Variants in RIPOR3 observed in about 807,000 individuals in gnomAD.
The protein encoded by RIPOR3 is RIPOR family member 3, also known as family with sequence similarity 65 member C.
In RIPOR3, 95 loss-of-function variants were observed where a neutral mutation model predicts 114.3. That is an observed-to-expected ratio of 0.83 (90% CI 0.70 to 0.99). The LOEUF (loss-of-function observed/expected upper bound fraction) is 0.99, where lower values mean the gene tolerates loss of function less well. RIPOR3 is among the 50% of genes least tolerant of loss of function. The pLI, the probability that RIPOR3 is intolerant of heterozygous loss-of-function variation, is 0.00. For synonymous variants in RIPOR3, 575 were observed against 543.8 expected, an observed-to-expected ratio of 1.06 and a Z score of -0.80; for missense variants, 1,252 against 1,266.9, an observed-to-expected ratio of 0.99 and a Z score of 0.18.
At chr20:50,629,516 C>T (rs2084743563) in intron 2 of RIPOR3, among the ~76,000 whole-genome samples, 1 of 152,176 alleles carries the variant, frequency 6.6e-6, no homozygotes, top group Admixed American at 6.5e-5. Context: ...CTCCCAGGGA[C>T]TTAGTACCTA....
Position 50,587,109 on chromosome 20 carries a change from A to C in RIPOR3, c.*123T>G, listed in dbSNP as rs1323520065. 2 of 722,956 alleles carry C rather than the reference A, an allele frequency of 2.8e-6. No individual in the cohort carries two copies. The highest frequency in any genetic ancestry group is 1.8e-5 in the African/African-American group (1 of 56,398). 44.8% of individuals were successfully genotyped at this position (722,956 alleles called of 1,614,324 possible). A position where few individuals can be genotyped will look rare whatever the true frequency, so the allele number is the denominator to read the frequency against. On this transcript the variant is annotated 3_prime_UTR_variant, in exon 22 of 22. Coordinates refer to ENST00000327979, the MANE Select transcript of RIPOR3 (RefSeq NM_001290268.2). ...GGTCAATGGCCGGAGTCTCAGGTAGAGCTCTGGGCAGCTCACACTCCTGGA... is the reference window on the plus strand; with the variant it reads ...GGTCAATGGCCGGAGTCTCAGGTAGCGCTCTGGGCAGCTCACACTCCTGGA...
Position 50,643,275 on chromosome 20 carries a change from C to G in RIPOR3, c.4-12419G>C, listed in dbSNP as rs552149876. 2.3e-3 allele frequency among the ~76,000 whole-genome samples: 339 copies of G among 150,384 alleles called. 3 individuals are homozygous for G. Among genetic ancestry groups the G allele is most frequent in the African/African-American group, 8.1e-3 (328 of 40,698 alleles). ...TAGCTAGGACTACAAGTGTGCACCACTAGGCCAGGCTAATTTTTGTGTGTG... is the reference window on the plus strand; with the variant it reads ...TAGCTAGGACTACAAGTGTGCACCAGTAGGCCAGGCTAATTTTTGTGTGTG... On this transcript the variant is annotated intron_variant, in intron 1 of 21. Coordinates refer to ENST00000327979, the MANE Select transcript of RIPOR3 (RefSeq NM_001290268.2).
At chr20:50,679,875 C>T (rs1196934757) in intron 1 of RIPOR3, among the ~76,000 whole-genome samples, 1 of 152,004 alleles carries the variant, frequency 6.6e-6, no homozygotes, top group Non-Finnish European at 1.5e-5. Context: ...GAGGATCACC[C>T]GAGCTCAGGA....
Position 50,594,588 on chromosome 20 carries a change from CTG to C in RIPOR3, c.2175_2176del (p.His725GlnfsTer55), listed in dbSNP as rs562026679. The C allele has an allele frequency of 1.0e-3, 1,615 of 1,614,098 alleles. 28 individuals are homozygous for C. Among genetic ancestry groups the C allele is most frequent in the Non-Finnish European group, 6.3e-5 (74 of 1,180,006 alleles). ...CTGTCCTGGGTACTTCCCTCTGACT[CTG>C]TGCTGGAAGGTTTTCTTGAGCTGGT... is the stretch of plus-strand genomic sequence containing the variant. On this transcript the variant is annotated frameshift_variant, in exon 17 of 22. Transcript: ENST00000327979. LOFTEE classifies it high-confidence loss of function.
intron 2 of RIPOR3, 69 bp downstream of exon 2, chr20:50,630,669 C>T: frequency 1.5e-6 from 2 of 1,371,100 alleles, no homozygotes. Context: ...GGAGGATGAC[C>T]CTGCCCTTCC....
intron 13 of RIPOR3, 81 bp from the exon 14 acceptor site, chr20:50,597,791 A>C: frequency 1.3e-6 from 2 of 1,530,080 alleles, no homozygotes; most frequent in Non-Finnish European, 1.8e-6. Context: ...GCCTCACGGC[A>C]GACTTGGGCA....
chr20:50,594,824 T>C (rs192055667), intron 16 of RIPOR3, 110 bp from the exon 17 acceptor site: 3 of 1,259,440 alleles, frequency 2.4e-6, no homozygotes, highest in African/African-American at 1.5e-5. Flanking sequence ...GAGGGGACGG[T>C]GTGGCTTGAT....
chr20:50,651,400 C>G (rs1464640659), intron 1 of RIPOR3, among the ~76,000 whole-genome samples: 1 of 152,228 alleles, frequency 6.6e-6, no homozygotes, highest in Non-Finnish European at 1.5e-5. Context: ...TGGACCAACA[C>G]AGCTGTGAGC....
chr20:50,588,862 C>T (rs1460820798), intron 20 of RIPOR3, among the ~76,000 whole-genome samples: 3 of 151,260 alleles, frequency 2.0e-5, no homozygotes, highest in South Asian at 2.1e-4. Context: ...GGGCAGATCA[C>T]GAGGTCAGGA....
Position 50,602,705 on chromosome 20 carries a change from A to G in RIPOR3, c.1087-61T>C. The G allele has an allele frequency of 7.6e-7, 1 of 1,307,830 alleles. No individual in the cohort carries two copies. Among genetic ancestry groups the G allele is most frequent in the Non-Finnish European group, 1.0e-6 (1 of 997,314 alleles). 81.0% of individuals were successfully genotyped at this position (1,307,830 alleles called of 1,614,324 possible). On this transcript the variant is annotated intron_variant, in intron 12 of 21. Transcript: ENST00000327979. The surrounding 1 kb of genome is among the most constrained non-coding windows in gnomAD (Gnocchi z 4.3). ...CCCCAGGGACCACAGCAAGTCCCCC[A>G]GAGGGGCTTCCCCTGACAGACACCC...
chr20:50,667,915 C>G (rs1482489423), intron 1 of RIPOR3, among the ~76,000 whole-genome samples: 1 of 152,210 alleles, frequency 6.6e-6, no homozygotes, highest in African/African-American at 2.4e-5. Context: ...GATACTAATA[C>G]TGCCCACTGT....
chr20:50,651,576 T>C (rs778685818), intron 1 of RIPOR3, among the ~76,000 whole-genome samples: 13 of 152,228 alleles, frequency 8.5e-5, no homozygotes, highest in Non-Finnish European at 1.8e-4. Flanking sequence ...TGGAGTCAGA[T>C]GGAACGGTGT....
chr20:50,613,649 T>C (rs1268608118), intron 4 of RIPOR3, among the ~76,000 whole-genome samples: 1 of 152,126 alleles, frequency 6.6e-6, no homozygotes, highest in African/African-American at 2.4e-5. Context: ...TGCCCTGGCC[T>C]CAGTGTGCCC....
intron 13 of RIPOR3, among the ~76,000 whole-genome samples, chr20:50,600,458 G>GT (rs2083454339): frequency 6.6e-6 from 1 of 152,172 alleles, no homozygotes; most frequent in African/African-American, 2.4e-5. Context: ...AAAAAAGGCT[G>GT]TTAAAAAGTA....
intron 1 of RIPOR3, among the ~76,000 whole-genome samples, chr20:50,649,435 C>T (rs2123387068): frequency 6.6e-6 from 1 of 152,142 alleles, no homozygotes; most frequent in Middle Eastern, 3.4e-3. Flanking sequence ...CAGAGCAAGC[C>T]ATCTCAAAAA....
chr20:50,690,436 G>A (rs547679451), intron 1 of RIPOR3, among the ~76,000 whole-genome samples: 33 of 152,214 alleles, frequency 2.2e-4, no homozygotes, highest in African/African-American at 7.9e-4. Context: ...CTCCACCCTG[G>A]GCTGACACAT....
chr20:50,627,011 T>C (rs1368096331), intron 2 of RIPOR3, among the ~76,000 whole-genome samples: 2 of 118,992 alleles, frequency 1.7e-5, no homozygotes, highest in Non-Finnish European at 3.3e-5. Flanking sequence ...CAAAAGTCCG[T>C]CTCAAGAAAA....
chr20:50,643,247 A>C (rs34378726), intron 1 of RIPOR3, among the ~76,000 whole-genome samples: 1 of 150,212 alleles, frequency 6.7e-6, no homozygotes, highest in Admixed American at 6.6e-5. Flanking sequence ...TCAGCCTCCC[A>C]AGTAGCTAGG....
At chr20:50,594,880 G>A (rs2083236066) in intron 16 of RIPOR3, 166 bp from the exon 17 acceptor site, 5 of 726,026 alleles carry the variant, frequency 6.9e-6, no homozygotes, top group Non-Finnish European at 1.1e-5. Context: ...GAGCAACTTT[G>A]GCTCTAAGCA....
Sources: allele counts gnomAD v4.1 joint callset (sites outside exome capture counted in the v4.1 genomes callset), GRCh38; gene constraint gnomAD v4.1.1; non-coding constraint Gnocchi (gnomAD v3.1); transcripts MANE v1.5; gene names NCBI Gene and HGNC (gene_info 2026-07-23, HGNC 2026-07-21).